Variants in HCRTR2 observed in about 807,000 individuals in gnomAD.
HCRTR2 encodes the protein hypocretin receptor 2.
A neutral mutation model predicts 49.0 loss-of-function variants in HCRTR2; 22 were observed. The ratio of observed to expected loss-of-function variants is 0.45; its 90% confidence interval spans 0.32 to 0.64. The LOEUF (loss-of-function observed/expected upper bound fraction) is 0.64, where lower values mean the gene tolerates loss of function less well. Among genes scored for constraint, HCRTR2 ranks in the 30% least tolerant of loss-of-function variants. HCRTR2 has a pLI of 0.04. For synonymous variants in HCRTR2, 236 were observed against 205.3 expected (o/e 1.15, Z -1.28); for missense variants, 491 against 559.4 (o/e 0.88, Z 1.23).
At chr6:55,281,257 T>C (rs1235202322) in intron 6 of HCRTR2, among the ~76,000 whole-genome samples, 1 of 152,134 alleles carries the variant, frequency 6.6e-6, no homozygotes, top group Non-Finnish European at 1.5e-5. Flanking sequence ...CTGGTTTGCA[T>C]AGGTTTAAAA....
In HCRTR2 at chr6:55,182,742, A is replaced by G. The variant is rs560494515; in HGVS notation, c.223+7932A>G. Reference sequence around the variant, plus strand: ...CGGGATAAGTTGTTGCACAGCCTCTAAAGTTGTGAACTAGAAGAAGTATAC... The same window carrying G: ...CGGGATAAGTTGTTGCACAGCCTCTGAAGTTGTGAACTAGAAGAAGTATAC... On this transcript the variant is annotated intron_variant, in intron 1 of 6. Coordinates refer to ENST00000370862, the MANE Select transcript of HCRTR2 (RefSeq NM_001384272.1). Among the ~76,000 whole-genome samples the G allele has an allele frequency of 1.5e-4, 23 of 152,324 alleles. No individual in the cohort carries two copies. In the East Asian group the frequency reaches 3.1e-3, roughly 20 times the overall value.
chr6:55,122,825 G>T (rs1455326407), intron 1 of HCRTR2, among the ~76,000 whole-genome samples: 1 of 151,960 alleles, frequency 6.6e-6, no homozygotes, highest in Non-Finnish European at 1.5e-5. Context: ...TAGGGACATG[G>T]ATGAAGCTGG....
chr6:55,133,693 CT>C (rs1438403558), intron 1 of HCRTR2, among the ~76,000 whole-genome samples: 9 of 147,374 alleles, frequency 6.1e-5, no homozygotes, highest in Non-Finnish European at 9.0e-5. Context: ...ATCTATCTAT[CT>C]ATCTATCTAT....
chr6:55,163,259 A>AAAC (rs1429109249), intron 1 of HCRTR2, among the ~76,000 whole-genome samples: 18 of 142,074 alleles, frequency 1.3e-4, no homozygotes, highest in Middle Eastern at 3.4e-3. Flanking sequence ...AACAAACAAC[A>AAAC]AAAAAAAAAA....
intron 1 of HCRTR2, among the ~76,000 whole-genome samples, chr6:55,126,244 T>A (rs1328225426): frequency 2.0e-5 from 3 of 152,200 alleles, no homozygotes; most frequent in Non-Finnish European, 4.4e-5. Context: ...TTTCTCCCTG[T>A]CTTTGTGGAT....
intron 1 of HCRTR2, among the ~76,000 whole-genome samples, chr6:55,202,749 G>T (rs111995472): frequency 1.2e-5 from 1 of 86,834 alleles, no homozygotes; most frequent in African/African-American, 5.6e-5. Context: ...TAGGGATTAG[G>T]TTTCAACAAA....
chr6:55,142,930 T>A (rs1057476809), intron 1 of HCRTR2, among the ~76,000 whole-genome samples: 1 of 151,708 alleles, frequency 6.6e-6, no homozygotes, highest in Non-Finnish European at 1.5e-5. Flanking sequence ...CCTCAGAATT[T>A]GGGCACAATC....
intron 1 of HCRTR2, among the ~76,000 whole-genome samples, chr6:55,181,367 G>T (rs566901307): frequency 9.3e-4 from 141 of 151,958 alleles, no homozygotes; most frequent in Non-Finnish European, 1.5e-3. Context: ...GAATTAAATC[G>T]ATATTTAAAA....
chr6:55,174,483 C>T (rs779039569), upstream of HCRTR2: 2 of 969,372 alleles, frequency 2.1e-6, no homozygotes, highest in East Asian at 4.8e-5. Context: ...CTCGGGAGCC[C>T]CTTCTAGCCT....
chr6:55,213,140 A>C (rs1765725755), intron 1 of HCRTR2, among the ~76,000 whole-genome samples: 1 of 152,158 alleles, frequency 6.6e-6, no homozygotes, highest in African/African-American at 2.4e-5. Context: ...GGTAGAAATA[A>C]GAAGGAGCTA....
chr6:55,132,441 G>A (rs1764370695), intron 1 of HCRTR2, among the ~76,000 whole-genome samples: 1 of 151,858 alleles, frequency 6.6e-6, no homozygotes, highest in African/African-American at 2.4e-5. Flanking sequence ...TGTGCCAGGG[G>A]CACAAGAAAA....
chr6:55,127,386 C>T (rs1470512612), intron 1 of HCRTR2, among the ~76,000 whole-genome samples: 1 of 152,060 alleles, frequency 6.6e-6, no homozygotes, highest in African/African-American at 2.4e-5. Flanking sequence ...TTCAGCTTGC[C>T]CTCCAAAGCA....
intron 1 of HCRTR2, among the ~76,000 whole-genome samples, chr6:55,168,002 C>T (rs950095945): frequency 6.6e-5 from 10 of 152,126 alleles, no homozygotes; most frequent in East Asian, 3.9e-4. Context: ...TAAACAAAGG[C>T]GGCACATATG....
chr6:55,251,143 G>T lies in HCRTR2; in HGVS notation c.402+2326G>T, dbSNP rs529025205. On this transcript the variant is annotated intron_variant, in intron 2 of 6. Transcript: ENST00000370862. ...AACTAATGACTTATATCCCTGATATGATATTTATGTCTTACTGAATATTTA... is the reference window on the plus strand; with the variant it reads ...AACTAATGACTTATATCCCTGATATTATATTTATGTCTTACTGAATATTTA... 5.8e-4 allele frequency among the ~76,000 whole-genome samples: 88 copies of T among 152,188 alleles called. 1 individual carries two copies. In the South Asian group the frequency reaches 0.016, roughly 28 times the overall value.
At chr6:55,147,829 A>T (rs1357154559) in intron 1 of HCRTR2, among the ~76,000 whole-genome samples, 1 of 152,176 alleles carries the variant, frequency 6.6e-6, no homozygotes, top group Non-Finnish European at 1.5e-5. Context: ...TCTGGGAAAG[A>T]TGTTTTAGTG....
chr6:55,267,698 G>A (rs1466845464), intron 4 of HCRTR2, among the ~76,000 whole-genome samples: 3 of 151,914 alleles, frequency 2.0e-5, no homozygotes, highest in Non-Finnish European at 2.9e-5. Context: ...AGCTTTTCAG[G>A]GCCTTTGAAA....
intron 1 of HCRTR2, among the ~76,000 whole-genome samples, chr6:55,120,482 A>T (rs1764181467): frequency 6.6e-6 from 1 of 151,778 alleles, no homozygotes; most frequent in Non-Finnish European, 1.5e-5. Flanking sequence ...ATCCCTTGTA[A>T]TTTGTATTCT....
chr6:55,264,289 T>G (rs1766822954), intron 4 of HCRTR2, among the ~76,000 whole-genome samples: 1 of 152,030 alleles, frequency 6.6e-6, no homozygotes, highest in Admixed American at 6.6e-5. Context: ...AAGATCTTAT[T>G]TTTTAGAATA....
chr6:55,258,341 T>C (rs921922565), intron 3 of HCRTR2, among the ~76,000 whole-genome samples: 1 of 152,036 alleles, frequency 6.6e-6, no homozygotes, highest in African/African-American at 2.4e-5. Context: ...TGGAAAAAAA[T>C]TTGGAAAAGC....
Sources: gnomAD v4.1 joint callset for allele counts (sites outside exome capture counted in the v4.1 genomes callset) on GRCh38, gnomAD v4.1.1 for gene constraint, MANE v1.5 for transcripts, NCBI Gene and HGNC (gene_info 2026-07-23, HGNC 2026-07-21) for gene names.